SLC34A2: variants seen among roughly 807,000 people sequenced by gnomAD.
SLC34A2 encodes the protein solute carrier family 34 member 2, also known as sodium-dependent phosphate transport protein 2B.
In SLC34A2, 41 loss-of-function variants were observed where a neutral mutation model predicts 50.8. The ratio of observed to expected loss-of-function variants is 0.81; its 90% CI spans 0.63 to 1.05. SLC34A2 has a LOEUF of 1.05. Among genes scored for constraint, SLC34A2 ranks in the 50% least tolerant of loss-of-function variants. The pLI, the probability that SLC34A2 is intolerant of heterozygous loss-of-function variation, is 0.00. For synonymous variants in SLC34A2, 401 were observed against 364.2 expected (o/e 1.10, Z -1.15); for missense variants, 879 against 876.7 (o/e 1.00, Z -0.03).
intron 12 of SLC34A2, 99 bp from the exon 13 acceptor site, chr4:25,676,036 C>T: frequency 6.4e-7 from 1 of 1,551,544 alleles, no homozygotes; most frequent in Non-Finnish European, 8.7e-7. Context: ...CGAGACTGTG[C>T]TGCCTGTGAT....
At position 25,678,724 on chromosome 4, in the gene SLC34A2, A is replaced by G; in HGVS notation, c.*1975A>G. ...TTTTTTTTACTGGTTATGGGAAGGG[A>G]GAAATAAAATCATCAAACCCAAAAG... On this transcript the variant is annotated 3_prime_UTR_variant, in exon 13 of 13. Coordinates refer to ENST00000382051, the MANE Select transcript of SLC34A2 (RefSeq NM_006424.3). 4 of 465,348 alleles carry G rather than the reference A, an allele frequency of 8.6e-6. No individual in the cohort carries two copies. Among genetic ancestry groups the G allele is most frequent in the Admixed American group, 3.3e-5 (1 of 30,032 alleles). The allele number at this position is 465,348 out of a possible 1,614,324, so 28.8% of individuals were successfully genotyped here.
chr4:25,673,280 G>A (rs1714918545), intron 10 of SLC34A2, 26 bp downstream of exon 10: 1 of 901,992 alleles, frequency 1.1e-6, no homozygotes, highest in Non-Finnish European at 1.5e-6. Context: ...TCACTTGTAG[G>A]CCTCACATGT....
rs1253429093 is a variant in SLC34A2 at position 25,670,800 on chromosome 4, T to C, written c.894T>C (p.Leu298=). The C allele has an allele frequency of 1.9e-6, 3 of 1,613,992 alleles. No homozygotes were observed. Among genetic ancestry groups the C allele is most frequent in the Non-Finnish European group, 2.5e-6 (3 of 1,179,954 alleles). The change falls in exon 8 of 13, where the codon CTT becomes CTC. Residue 298 remains leucine (L), a synonymous_variant. Transcript: ENST00000382051. The stretch of plus-strand genomic sequence containing the variant: ...ATGAAAAAGCGAAAAACAAGAGTCT[T>C]GTCAAGATTTGGTGCAAAACTTTTA... The part of the protein sequence containing the change: ...MNDEKAKNKS[L]VKIWCKTFTN...
intron 3 of SLC34A2, 59 bp downstream of exon 3, chr4:25,662,901 A>G: frequency 1.9e-6 from 3 of 1,593,204 alleles, no homozygotes; most frequent in Non-Finnish European, 1.7e-6. Flanking sequence ...TCACGGTGTC[A>G]TCATCCTCCT....
intron 9 of SLC34A2, 71 bp from the exon 10 acceptor site, chr4:25,673,016 G>A: frequency 1.3e-6 from 2 of 1,500,420 alleles, no homozygotes. Flanking sequence ...ACAGGATCTG[G>A]GGGAATAAAT....
At chr4:25,668,590 C>T (rs1046895648) in intron 6 of SLC34A2, among the ~76,000 whole-genome samples, 5 of 150,674 alleles carry the variant, frequency 3.3e-5, no homozygotes, top group African/African-American at 1.2e-4. Flanking sequence ...TGCAGTGAGT[C>T]GAGATCGTGC....
At chr4:25,670,408 ACTG>A (rs1714751529) in intron 7 of SLC34A2, among the ~76,000 whole-genome samples, 2 of 152,112 alleles carry the variant, frequency 1.3e-5, no homozygotes, top group African/African-American at 2.4e-5. Context: ...CTTTGTTCCC[ACTG>A]CTGTCCTCAA....
In SLC34A2 at chr4:25,671,262, T is replaced by A. The variant is rs182859806; in HGVS notation, c.928-339T>A. ...TCGGGCCCAGAGCATTCATGCCCTCTGTCAGGAACCTACCCAGGCTGCTTT... is the reference window on the plus strand; with the variant it reads ...TCGGGCCCAGAGCATTCATGCCCTCAGTCAGGAACCTACCCAGGCTGCTTT... On this transcript the variant is annotated intron_variant, in intron 8 of 12. Transcript: ENST00000382051. Among the ~76,000 whole-genome samples the A allele has an allele frequency of 1.4e-3, 216 of 152,278 alleles. 2 individuals carry two copies. Among genetic ancestry groups the A allele is most frequent in the Non-Finnish European group, 2.8e-3 (189 of 68,016 alleles).
chr4:25,658,911 ACCCAC>A (rs1369351779), intron 1 of SLC34A2, among the ~76,000 whole-genome samples: 2 of 69,858 alleles, frequency 2.9e-5, no homozygotes, highest in Admixed American at 2.8e-4. Flanking sequence ...ACCCCCACCC[ACCCAC>A]CCCACCCCCA....
intron 1 of SLC34A2, among the ~76,000 whole-genome samples, chr4:25,661,798 G>A (rs554779688): frequency 6.6e-6 from 1 of 152,254 alleles, no homozygotes; most frequent in South Asian, 2.1e-4. Context: ...AAGTAGATGG[G>A]GTTCCATTGA....
At chr4:25,673,023 AAATAACAATCT>A (rs1369994865) in intron 9 of SLC34A2, 53 bp from the exon 10 acceptor site, 7 of 1,544,560 alleles carry the variant, frequency 4.5e-6, no homozygotes, top group Non-Finnish European at 6.3e-6. Context: ...CTGGGGGAAT[AAATAACAATCT>A]GTAGCCGTGG....
At chr4:25,662,633 T>C (rs1236823015) in intron 2 of SLC34A2, 21 bp downstream of exon 2, 2 of 1,614,130 alleles carry the variant, frequency 1.2e-6, no homozygotes, top group African/African-American at 1.3e-5. Context: ...CTCGTTTGTC[T>C]GCAGATCGGC....
At chr4:25,667,651 G>T (rs1398864560) in intron 5 of SLC34A2, among the ~76,000 whole-genome samples, 2 of 152,190 alleles carry the variant, frequency 1.3e-5, no homozygotes, top group Non-Finnish European at 2.9e-5. Context: ...GTGCCTCCTG[G>T]TCTCCTTCAG....
intron 5 of SLC34A2, 149 bp from the exon 6 acceptor site, chr4:25,667,731 G>C: frequency 1.5e-6 from 1 of 664,420 alleles, no homozygotes; most frequent in South Asian, 1.6e-5. Flanking sequence ...TTCATAGTGA[G>C]GTGCAGAGTG....
At chr4:25,671,175 G>A (rs1002490526) in intron 8 of SLC34A2, among the ~76,000 whole-genome samples, 2 of 152,150 alleles carry the variant, frequency 1.3e-5, no homozygotes, top group African/African-American at 2.4e-5. Context: ...CACGCCCTAC[G>A]GGTGTTGGCA....
In SLC34A2 at chr4:25,664,272, T is replaced by C. The variant is rs1437460911; in HGVS notation, c.321T>C (p.Phe107=). The C allele has an allele frequency of 1.2e-6, 2 of 1,613,932 alleles. No homozygotes were observed. Among genetic ancestry groups the C allele is most frequent in the Non-Finnish European group, 1.7e-6 (2 of 1,179,898 alleles). Reference sequence around the variant, plus strand: ...GGAGATTGATTTTACTTCTCGGATTTCTCTACTTTTTCGTGTGCTCCCTGG... The same window carrying C: ...GGAGATTGATTTTACTTCTCGGATTCCTCTACTTTTTCGTGTGCTCCCTGG... ...GIGRLILLLG[F]LYFFVCSLDI... Residue 107 remains phenylalanine, a synonymous_variant, in exon 4 of 13, where the codon TTT becomes TTC. Transcript: ENST00000382051.
rs756136817 is a variant in SLC34A2 at position 25,674,587 on chromosome 4, C to T, written c.1416C>T (p.Ala472=). 1.5e-5 allele frequency: 25 copies of T among 1,614,134 alleles called. No homozygotes were observed. The highest frequency in any genetic ancestry group is 4.5e-5 in the East Asian group (2 of 44,894). ...NIGTTTTAIL[A]ALASPGNALR... is the part of the protein sequence containing the mutation. ...GCACCACCACCACCGCCATCCTGGCCGCCTTAGCCAGCCCTGGCAATGCAT... is the reference window on the plus strand; with the variant it reads ...GCACCACCACCACCGCCATCCTGGCTGCCTTAGCCAGCCCTGGCAATGCAT... Residue 472 remains alanine (A), a synonymous_variant, in exon 12 of 13, where the codon GCC becomes GCT. Coordinates refer to ENST00000382051, the MANE Select transcript of SLC34A2 (RefSeq NM_006424.3).
chr4:25,669,915 T>A, intron 7 of SLC34A2, 73 bp downstream of exon 7: 1 of 1,308,020 alleles, frequency 7.6e-7, no homozygotes, highest in South Asian at 1.2e-5. Flanking sequence ...AGCTGACAGA[T>A]ATAGAGTGTC....
chr4:25,666,900 T>TATTA (rs1714532370), intron 5 of SLC34A2: 1 of 151,628 alleles, frequency 6.6e-6, no homozygotes, highest in African/African-American at 2.4e-5. Context: ...TATTATTATT[T>TATTA]TTTTTTCTAT....
Sources: gnomAD v4.1 joint callset for allele counts (sites outside exome capture counted in the v4.1 genomes callset) on GRCh38, gnomAD v4.1.1 for gene constraint, MANE v1.5 for transcripts, NCBI Gene and HGNC (gene_info 2026-07-23, HGNC 2026-07-21) for gene names.